ARAP3: variants seen among roughly 807,000 people sequenced by gnomAD.
ARAP3 encodes ArfGAP with RhoGAP domain, ankyrin repeat and PH domain 3.
ARAP3 carries 82 observed loss-of-function variants against 169.2 expected under a neutral mutation model. The ratio of observed to expected loss-of-function variants is 0.48; its 90% confidence interval spans 0.41 to 0.58. The LOEUF (loss-of-function observed/expected upper bound fraction) is 0.58, where lower values mean the gene tolerates loss of function less well. Among genes scored for constraint, ARAP3 ranks in the 20% least tolerant of loss-of-function variants. The pLI is 0.00. For missense variants in ARAP3, 1,764 were observed against 2,018.0 expected (o/e 0.87, Z 2.41); for synonymous variants, 791 against 800.3 (o/e 0.99, Z 0.20).
In ARAP3 at chr5:141,662,190, C is replaced by G; in HGVS notation, c.2866G>C (p.Glu956Gln). 6.2e-7 allele frequency: 1 copy of G among 1,614,240 alleles called. No homozygotes were observed. The highest frequency in any genetic ancestry group is 1.6e-4 in the Middle Eastern group (1 of 6,062). The change falls in exon 20 of 33, where the codon GAG becomes CAG. Residue 956 changes from glutamate to glutamine, a missense_variant. Coordinates refer to ENST00000239440, the MANE Select transcript of ARAP3 (RefSeq NM_022481.6). ...ACCGACCGGGCATCCCGACGGAACT[C>G]AGCCAGGAGTCTCAGGCTGCGGGCA... Reference protein sequence around the residue: ...ARARSLRLLAEFRRDARSVKL... With the variant: ...ARARSLRLLAQFRRDARSVKL...
In ARAP3 at chr5:141,671,962, C is replaced by T; in HGVS notation, c.1604G>A (p.Gly535Asp). The change falls in exon 11 of 33, where the codon GGT (glycine) becomes GAT (aspartate). Residue 535 changes from glycine (G) to aspartate (D), a missense_variant. By Grantham distance (94) the Gly-to-Asp change is moderately conservative. Transcript: ENST00000239440. The surrounding 1 kb of genome is among the most constrained non-coding windows in gnomAD (Gnocchi z 4.9). ...GCTCTGCACCTTGGAGATCCCAGAA[C>T]CCAGGGCCCGGTGCTGACCTGTGAG... ...KQCAGQHRAL[G>D]SGISKVQSLK... 6.2e-7 allele frequency: 1 copy of T among 1,614,184 alleles called. No individual in the cohort carries two copies. The highest frequency in any genetic ancestry group is 8.5e-7 in the Non-Finnish European group (1 of 1,180,008).
At chr5:141,679,925 CTCCCA>C (rs757649707) in intron 2 of ARAP3, 33 bp downstream of exon 2, 2 of 1,613,248 alleles carry the variant, frequency 1.2e-6, no homozygotes, top group South Asian at 2.2e-5. Flanking sequence ...CTCCCCACTC[CTCCCA>C]GCATCAGTCC....
chr5:141,653,891 C>A lies in ARAP3; in HGVS notation c.*59G>T. The A allele has an allele frequency of 6.6e-7, 1 of 1,504,274 alleles. No homozygotes were observed. The highest frequency in any genetic ancestry group is 2.3e-5 in the Admixed American group (1 of 42,730). The allele number at this position is 1,504,274 out of a possible 1,614,324, so 93.2% of individuals were successfully genotyped here. ...CAGGGCAGAGGAAGCTGCAACAGTG[C>A]CACGATAAGAGTTTCTGGGTCTTCT... On this transcript the variant is annotated 3_prime_UTR_variant, in exon 33 of 33. Transcript: ENST00000239440.
rs767189652 is a variant in ARAP3 at position 141,670,671 on chromosome 5, G to A, written c.1991-43C>T. ...AGTAGTCAGGTCAACCAAGTGCAACGGGATAACCTGACCCCCTCTGGGGAA... is the reference window on the plus strand; with the variant it reads ...AGTAGTCAGGTCAACCAAGTGCAACAGGATAACCTGACCCCCTCTGGGGAA... On this transcript the variant is annotated intron_variant, in intron 13 of 32. Transcript: ENST00000239440. 1.4e-5 allele frequency: 21 copies of A among 1,537,702 alleles called. No homozygotes were observed. In the East Asian group the frequency reaches 2.3e-4, roughly 17 times the overall value.
intron 4 of ARAP3, among the ~76,000 whole-genome samples, chr5:141,678,730 C>T (rs575066831): frequency 3.9e-5 from 6 of 151,992 alleles, no homozygotes; most frequent in East Asian, 3.9e-4. Flanking sequence ...TCAGGTGATC[C>T]GTCTGCCTCA....
Position 141,672,944 on chromosome 5 carries a change from C to T in ARAP3, c.1094-19G>A. 1 of 1,612,062 alleles carries T rather than the reference C, an allele frequency of 6.2e-7. No individual in the cohort carries two copies. The highest frequency in any genetic ancestry group is 8.5e-7 in the Non-Finnish European group (1 of 1,178,716). On this transcript the variant is annotated intron_variant, in intron 7 of 32. Coordinates refer to ENST00000239440, the MANE Select transcript of ARAP3 (RefSeq NM_022481.6). The surrounding 1 kb of genome is among the most constrained non-coding windows in gnomAD (Gnocchi z 4.9). Reference sequence around the variant, plus strand: ...CGCTGAGCTGGTGGGGATGGAGAAGCAGGTCAGTGGCTGTTGCTCACACAG... The same window carrying T: ...CGCTGAGCTGGTGGGGATGGAGAAGTAGGTCAGTGGCTGTTGCTCACACAG...
At chr5:141,680,580 A>G (rs1357992748) in intron 1 of ARAP3, 77 bp from the exon 2 acceptor site, 1 of 1,452,176 alleles carries the variant, frequency 6.9e-7, no homozygotes, top group Non-Finnish European at 9.0e-7. Flanking sequence ...AGGCCTGGAC[A>G]GTGAGCACCA....
rs1596474717 is a variant in ARAP3 at position 141,656,260 on chromosome 5, C to T, written c.3806G>A (p.Arg1269Gln). The T allele has an allele frequency of 2.5e-6, 4 of 1,614,016 alleles. No individual in the cohort carries two copies. Among genetic ancestry groups the T allele is most frequent in the South Asian group, 2.2e-5 (2 of 91,088 alleles). ...LKEKKSSKPE[R>Q]EWPLEGAKVY... ...CTTGGCACCTTCCAAAGGCCACTCCCGTTCTGGTTTAGAGCTCTGAGAACA... is the reference window on the plus strand; with the variant it reads ...CTTGGCACCTTCCAAAGGCCACTCCTGTTCTGGTTTAGAGCTCTGAGAACA... The change falls in exon 28 of 33, where the codon CGG becomes CAG. Residue 1269 changes from arginine (R) to glutamine (Q), a missense_variant. Arg to Gln is a conservative substitution (Grantham distance 43). Around this residue, in one of 3 missense-constraint regions of ARAP3, gnomAD observed 1,112 missense variants for 1,285.7 expected, o/e 0.86. Coordinates refer to ENST00000239440, the MANE Select transcript of ARAP3 (RefSeq NM_022481.6).
In ARAP3 at chr5:141,672,279, C is replaced by G; in HGVS notation, c.1408G>C (p.Ala470Pro). ...CFSFTAESGG[A>P]RQSWAAALQE... ...AGAGCGGCCGCCCAGCTCTGCCGAGCACCCCCAGACTCGGCTGTGAAGCTG... is the reference window on the plus strand; with the variant it reads ...AGAGCGGCCGCCCAGCTCTGCCGAGGACCCCCAGACTCGGCTGTGAAGCTG... Residue 470 changes from alanine to proline, a missense_variant, in exon 10 of 33, where the codon GCT (alanine) becomes CCT (proline). Transcript: ENST00000239440. This position sits in a 1 kb window ranked among gnomAD's most constrained non-coding sequence, Gnocchi z 4.9. The G allele has an allele frequency of 6.2e-7, 1 of 1,614,108 alleles. No homozygotes were observed. The highest frequency in any genetic ancestry group is 1.1e-5 in the South Asian group (1 of 91,082).
chr5:141,658,544 C>T, intron 24 of ARAP3, 35 bp downstream of exon 24: 5 of 1,613,980 alleles, frequency 3.1e-6, no homozygotes, highest in Non-Finnish European at 4.2e-6. Flanking sequence ...ACCTCACTAT[C>T]CTCTTATTTC....
intron 4 of ARAP3, among the ~76,000 whole-genome samples, chr5:141,675,050 CCT>C (rs2099911976): frequency 6.6e-6 from 1 of 152,116 alleles, no homozygotes; most frequent in Non-Finnish European, 1.5e-5. Flanking sequence ...AGGCCACTCC[CCT>C]GACTGCATCC....
intron 1 of ARAP3, among the ~76,000 whole-genome samples, chr5:141,681,728 T>C (rs1188382289): frequency 6.6e-6 from 1 of 152,192 alleles, no homozygotes; most frequent in Non-Finnish European, 1.5e-5. Context: ...CGCCTCGGCC[T>C]AGGCTCTCTC....
In ARAP3 at chr5:141,661,731, C is replaced by G; in HGVS notation, c.3072G>C (p.Pro1024=). 2 of 1,614,206 alleles carry G rather than the reference C, an allele frequency of 1.2e-6. No homozygotes were observed. Among genetic ancestry groups the G allele is most frequent in the Non-Finnish European group, 1.7e-6 (2 of 1,180,042 alleles). ...TGGCCAGTGTGCGGCGGTTGACCCGCGGCAGGCAGCCAATCACATCTTTAT... is the reference window on the plus strand; with the variant it reads ...TGGCCAGTGTGCGGCGGTTGACCCGGGGCAGGCAGCCAATCACATCTTTAT... ...EKYKDVIGCL[P]RVNRRTLATL... The change falls in exon 21 of 33, where the codon CCG becomes CCC. Residue 1024 remains proline, a synonymous_variant. Coordinates refer to ENST00000239440, the MANE Select transcript of ARAP3 (RefSeq NM_022481.6).
chr5:141,677,674 CA>C (rs1468449677), intron 4 of ARAP3, among the ~76,000 whole-genome samples: 4 of 152,196 alleles, frequency 2.6e-5, no homozygotes, highest in Non-Finnish European at 5.9e-5. Context: ...TTTATAAAGT[CA>C]AAACCCCTCA....
At position 141,665,091 on chromosome 5, in the gene ARAP3, A is replaced by G; in HGVS notation, c.2637-6T>C. 1 of 1,607,108 alleles carries G rather than the reference A, an allele frequency of 6.2e-7. No homozygotes were observed. Among genetic ancestry groups the G allele is most frequent in the Non-Finnish European group, 8.5e-7 (1 of 1,175,822 alleles). ...CTCCTTGCAGATACAGGGTCCTGAG[A>G]CCCCAGAGGCCTGAATCAGAGCCAG... On this transcript the variant is annotated splice_region_variant and splice_polypyrimidine_tract_variant and intron_variant, in intron 18 of 32. Transcript: ENST00000239440.
At chr5:141,661,637 C>A in intron 21 of ARAP3, 47 bp downstream of exon 21, 1 of 1,514,274 alleles carries the variant, frequency 6.6e-7, no homozygotes, top group South Asian at 1.1e-5. Flanking sequence ...AGTGCAGGGT[C>A]AGATTGAAGT....
At position 141,680,051 on chromosome 5, in the gene ARAP3, A is replaced by G. The variant is rs909026070; in HGVS notation, c.436T>C (p.Ser146Pro). 2 of 1,614,142 alleles carry G rather than the reference A, an allele frequency of 1.2e-6. No individual in the cohort carries two copies. The highest frequency in any genetic ancestry group is 1.7e-6 in the Non-Finnish European group (2 of 1,180,040). The change falls in exon 2 of 33, where the codon TCT (serine) becomes CCT (proline). Residue 146 changes from serine (S) to proline (P), a missense_variant. Ser to Pro is a moderately conservative substitution (Grantham distance 74). Coordinates refer to ENST00000239440, the MANE Select transcript of ARAP3 (RefSeq NM_022481.6). ...ATCTCCACAGTATTTAGGGCTGAAGACTGCTCAGAGGAGGAAGTGGGGAGA... is the reference window on the plus strand; with the variant it reads ...ATCTCCACAGTATTTAGGGCTGAAGGCTGCTCAGAGGAGGAAGTGGGGAGA... Reference protein sequence around the residue: ...PPLPTSSSEQSSALNTVEMMP... With the variant: ...PPLPTSSSEQPSALNTVEMMP...
intron 23 of ARAP3, among the ~76,000 whole-genome samples, chr5:141,659,057 A>G (rs990627745): frequency 6.6e-6 from 1 of 152,158 alleles, no homozygotes; most frequent in African/African-American, 2.4e-5. Context: ...TTGCTATTAT[A>G]TTTATTATTA....
At chr5:141,659,263 A>C (rs1053949457) in intron 23 of ARAP3, 145 bp downstream of exon 23, 1 of 719,722 alleles carries the variant, frequency 1.4e-6, no homozygotes. Flanking sequence ...CACTTCTCTC[A>C]TTGGGTTCCC....
Sources: gnomAD v4.1 joint callset for allele counts (sites outside exome capture counted in the v4.1 genomes callset) on GRCh38, gnomAD v4.1.1 for gene constraint, gnomAD v4.1.1 regional missense constraint, Gnocchi (gnomAD v3.1) non-coding constraint, MANE v1.5 for transcripts, NCBI Gene and HGNC (gene_info 2026-07-23, HGNC 2026-07-21) for gene names.